The following TECRL variants were observed in gnomAD, a reference collection of about 807,000 sequenced individuals.
TECRL encodes the protein trans-2,3-enoyl-CoA reductase like.
Under a neutral mutation model 52.8 loss-of-function variants are expected in TECRL, and 63 were observed. The ratio of observed to expected loss-of-function variants is 1.19; its 90% confidence interval spans 0.97 to 1.47. The LOEUF is 1.47. Ranked by LOEUF, TECRL falls within the 40% of genes most tolerant of loss-of-function variation. The pLI is 0.00. For missense variants in TECRL, 482 were observed against 429.6 expected (o/e 1.12, Z -1.08); for synonymous variants, 164 against 141.9 (o/e 1.16, Z -1.10).
downstream of TECRL, chr4:64,276,965 G>A (rs148031307): frequency 1.7e-6 from 2 of 1,201,538 alleles, no homozygotes; most frequent in Non-Finnish European, 2.3e-6. Flanking sequence ...GGCTGCTACA[G>A]GATTATACCT....
chr4:64,314,593 GTGTGTGTGTGTGTGTGTGTGTGTGT>G, intron 5 of TECRL, 30 bp downstream of exon 5: 1 of 264,600 alleles, frequency 3.8e-6, no homozygotes, highest in Non-Finnish European at 6.0e-6. Flanking sequence ...CGTGTATGGT[GTGTGTGTGTGTGTGTGTGTGTGTGT>G]GTGTGTGTGT....
At chr4:64,327,807 A>G (rs938141618) in intron 3 of TECRL, among the ~76,000 whole-genome samples, 8 of 152,122 alleles carry the variant, frequency 5.3e-5, no homozygotes, top group African/African-American at 1.9e-4. Context: ...GAAAAGCAAT[A>G]GAAAAAAAAT....
intron 3 of TECRL, among the ~76,000 whole-genome samples, chr4:64,326,192 C>T (rs1718249881): frequency 6.6e-6 from 1 of 151,948 alleles, no homozygotes; most frequent in African/African-American, 2.4e-5. Context: ...GTGGATGGAG[C>T]TTTGATGTAT....
rs763576050 is a variant in TECRL at position 64,307,476 on chromosome 4, C to T, written c.658-2238G>A. Among the ~76,000 whole-genome samples, 14 of 152,058 alleles carry T rather than the reference C, an allele frequency of 9.2e-5. No individual in the cohort carries two copies. The East Asian group carries it at 9.7e-4, about 11-fold the overall frequency. On this transcript the variant is annotated intron_variant, in intron 6 of 11. Coordinates refer to ENST00000381210, the MANE Select transcript of TECRL (RefSeq NM_001010874.5). ...TGCTGGGACCCAGAGGATACAAGGA[C>T]GAGGAGAGGAGAAAGGAGATGCTTT...
intron 2 of TECRL, among the ~76,000 whole-genome samples, chr4:64,369,115 A>G (rs919838816): frequency 1.3e-5 from 2 of 152,164 alleles, no homozygotes; most frequent in African/African-American, 4.8e-5. Context: ...CTAATAGATA[A>G]CACGAAAGTC....
At chr4:64,293,359 T>C (rs73823570) in intron 8 of TECRL, among the ~76,000 whole-genome samples, 2,008 of 152,206 alleles carry the variant, frequency 0.013, 51 homozygotes, top group African/African-American at 0.046. Flanking sequence ...AGTATCAAAT[T>C]AATAACCTAC....
intron 2 of TECRL, among the ~76,000 whole-genome samples, chr4:64,365,374 C>T (rs921172907): frequency 2.6e-5 from 4 of 152,006 alleles, no homozygotes; most frequent in African/African-American, 9.7e-5. Flanking sequence ...TACTGGAAGT[C>T]CTAGCCAGAG....
chr4:64,306,706 A>G (rs1038338582), intron 6 of TECRL, among the ~76,000 whole-genome samples: 5 of 152,096 alleles, frequency 3.3e-5, no homozygotes, highest in Non-Finnish European at 7.4e-5. Context: ...AAAGGAGGCT[A>G]TTTCTCCCTG....
intron 2 of TECRL, among the ~76,000 whole-genome samples, chr4:64,362,552 A>G (rs1011105725): frequency 6.6e-6 from 1 of 152,144 alleles, no homozygotes; most frequent in African/African-American, 2.4e-5. Context: ...GCCCATATTC[A>G]GCACCATTAA....
chr4:64,379,867 G>A (rs1043048337), intron 1 of TECRL, among the ~76,000 whole-genome samples: 1 of 152,052 alleles, frequency 6.6e-6, no homozygotes, highest in African/African-American at 2.4e-5. Flanking sequence ...TAATCATGAG[G>A]ATGCAGGTAT....
intron 5 of TECRL, among the ~76,000 whole-genome samples, chr4:64,311,472 G>T (rs755302595): frequency 3.3e-5 from 5 of 152,048 alleles, no homozygotes; most frequent in Non-Finnish European, 5.9e-5. Context: ...TCATTTTATT[G>T]TTCTTTTGTA....
intron 6 of TECRL, among the ~76,000 whole-genome samples, chr4:64,308,570 C>T (rs1357559379): frequency 6.6e-6 from 1 of 152,144 alleles, no homozygotes; most frequent in Non-Finnish European, 1.5e-5. Flanking sequence ...AATTTATCCC[C>T]ATTTCTGGCA....
At chr4:64,337,264 A>G (rs1297236989) in intron 2 of TECRL, among the ~76,000 whole-genome samples, 1 of 152,166 alleles carries the variant, frequency 6.6e-6, no homozygotes, top group African/African-American at 2.4e-5. Flanking sequence ...TTAGGTATTG[A>G]TGGGACGTAT....
intron 4 of TECRL, among the ~76,000 whole-genome samples, chr4:64,322,483 A>G (rs1244434302): frequency 1.3e-5 from 2 of 148,782 alleles, no homozygotes; most frequent in Non-Finnish European, 3.0e-5. Context: ...AAAGGAACTT[A>G]TCTTCCTTTT....
chr4:64,332,805 T>A (rs1314326424), intron 2 of TECRL, among the ~76,000 whole-genome samples: 1 of 151,914 alleles, frequency 6.6e-6, no homozygotes, highest in African/African-American at 2.4e-5. Flanking sequence ...CAAAGAGAGA[T>A]AAATATGTGG....
intron 1 of TECRL, among the ~76,000 whole-genome samples, chr4:64,393,420 C>G (rs929713410): frequency 6.6e-6 from 1 of 151,910 alleles, no homozygotes; most frequent in South Asian, 2.1e-4. Context: ...AATGCTCCTG[C>G]CTTATCCATC....
At chr4:64,337,108 T>C (rs1023162544) in intron 2 of TECRL, among the ~76,000 whole-genome samples, 2 of 151,918 alleles carry the variant, frequency 1.3e-5, no homozygotes, top group Admixed American at 6.6e-5. Flanking sequence ...GACAGTGGGG[T>C]GTTAAAGTCT....
intron 1 of TECRL, among the ~76,000 whole-genome samples, chr4:64,398,316 G>A (rs1439989615): frequency 6.6e-6 from 1 of 152,096 alleles, no homozygotes; most frequent in Non-Finnish European, 1.5e-5. Flanking sequence ...CATGTGAAAT[G>A]GAATCTCCAA....
chr4:64,332,435 C>T (rs935947257), intron 2 of TECRL, among the ~76,000 whole-genome samples: 13 of 152,108 alleles, frequency 8.5e-5, no homozygotes, highest in East Asian at 3.9e-4. Flanking sequence ...GGAAGGAGAT[C>T]GCTTCTTTAT....
Sources: allele counts gnomAD v4.1 joint callset (sites outside exome capture counted in the v4.1 genomes callset), GRCh38; gene constraint gnomAD v4.1.1; transcripts MANE v1.5; gene names NCBI Gene and HGNC (gene_info 2026-07-23, HGNC 2026-07-21).